Variants in MTFR1 observed in about 807,000 individuals in gnomAD.
MTFR1 encodes mitochondrial fission regulator 1.
MTFR1 carries 28 observed loss-of-function variants against 38.8 expected under a neutral mutation model. The observed-to-expected ratio is 0.72, with a 90% CI of 0.53 to 0.99. MTFR1 has a LOEUF of 0.99. Among genes scored for constraint, MTFR1 ranks in the 50% least tolerant of loss-of-function variants. MTFR1 has a pLI of 0.00. For missense variants in MTFR1, 358 were observed against 395.5 expected (o/e 0.91, Z 0.81); for synonymous variants, 145 against 137.0 (o/e 1.06, Z -0.41).
At chr8:65,724,487 G>A (rs1475787161) in intron 3 of MTFR1, 4 of 607,336 alleles carry the variant, frequency 6.6e-6, no homozygotes, top group South Asian at 2.5e-5. Flanking sequence ...ATTTTTAGAT[G>A]TAAGAATTTA....
rs553260839 is a variant in MTFR1 at position 65,703,419 on chromosome 8, G to GTTTTTTTTTTTT, written c.282-1254_282-1243dup. Among the ~76,000 whole-genome samples the GTTTTTTTTTTTT allele has an allele frequency of 3.1e-4, 16 of 50,952 alleles. 1 individual carries two copies. The highest frequency in any genetic ancestry group is 8.1e-4 in the African/African-American group (10 of 12,360). The allele number at this position is 50,952 out of a possible 152,430, so 33.4% of individuals were successfully genotyped here. On this transcript the variant is annotated intron_variant, in intron 4 of 7. Coordinates refer to ENST00000262146, the MANE Select transcript of MTFR1 (RefSeq NM_014637.4). ...GGTACATCCATGCTTGATGTCTCTG[G>GTTTTTTTTTTTT]TTTTTTTTTTTTTTTTTTTTTTTTT...
intron 1 of MTFR1, among the ~76,000 whole-genome samples, chr8:65,645,516 T>A (rs1454784917): frequency 2.0e-4 from 31 of 152,224 alleles, no homozygotes; most frequent in Non-Finnish European, 2.9e-5. Flanking sequence ...TGGGCAGTCT[T>A]GCTCCCCTAA....
intron 2 of MTFR1, chr8:65,719,183 C>T (rs1806271033): frequency 1.4e-6 from 1 of 727,802 alleles, no homozygotes; most frequent in South Asian, 1.6e-5. Flanking sequence ...GCTGGCATCA[C>T]TCACTTGGAA....
downstream of MTFR1, among the ~76,000 whole-genome samples, chr8:65,775,898 G>A (rs575604957): frequency 6.6e-6 from 1 of 152,308 alleles, no homozygotes; most frequent in East Asian, 1.9e-4. Flanking sequence ...CAAAGTGCTA[G>A]ATTACGGGCG....
intron 3 of MTFR1, chr8:65,734,938 CATAT>C (rs757060749): frequency 2.5e-6 from 3 of 1,180,708 alleles, no homozygotes; most frequent in African/African-American, 3.0e-5. Context: ...ATATGAGCAA[CATAT>C]ACAAGGACAA....
At chr8:65,749,172 T>C (rs1807819243) in intron 3 of MTFR1, among the ~76,000 whole-genome samples, 1 of 152,220 alleles carries the variant, frequency 6.6e-6, no homozygotes, top group Admixed American at 6.5e-5. Flanking sequence ...ACTTCTGATA[T>C]TATAATTAGT....
chr8:65,678,491 ACATTATGTTAGT>A (rs1260155859), intron 2 of MTFR1, among the ~76,000 whole-genome samples: 4 of 152,252 alleles, frequency 2.6e-5, no homozygotes, highest in Non-Finnish European at 5.9e-5. Flanking sequence ...ACAGAAGAAC[ACATTATGTTAGT>A]CTACTGTGTA....
intron 3 of MTFR1, among the ~76,000 whole-genome samples, chr8:65,755,007 T>TA (rs1367930090): frequency 6.7e-6 from 1 of 149,420 alleles, no homozygotes. Flanking sequence ...ATTGCCTGTT[T>TA]ATTTTTTTTT....
At chr8:65,694,692 A>G (rs1805382029) in intron 4 of MTFR1, among the ~76,000 whole-genome samples, 1 of 152,224 alleles carries the variant, frequency 6.6e-6, no homozygotes, top group Non-Finnish European at 1.5e-5. Context: ...GAGATTAAGA[A>G]GGAAATCAGT....
chr8:65,759,709 A>G (rs1363595439), intron 3 of MTFR1, among the ~76,000 whole-genome samples: 2 of 152,024 alleles, frequency 1.3e-5, no homozygotes, highest in Non-Finnish European at 2.9e-5. Context: ...CCTTTCTTTT[A>G]AAGGGGGTTT....
chr8:65,731,130 G>C lies in MTFR1; in HGVS notation c.*48+11649G>C, dbSNP rs1806870694. 2.0e-5 allele frequency among the ~76,000 whole-genome samples: 3 copies of C among 152,190 alleles called. 1 individual carries two copies. The South Asian group carries it at 6.2e-4, about 32-fold the overall frequency. On this transcript the variant is annotated intron_variant, in intron 3 of 3. Transcript: ENST00000521247. The stretch of plus-strand genomic sequence containing the variant: ...GCCCTGGAGGCCTGACATTCCTGTG[G>C]TTTCCATGTCAGGTTCCCATATGTT...
intron 3 of MTFR1, among the ~76,000 whole-genome samples, chr8:65,756,087 T>C (rs1808230314): frequency 6.6e-6 from 1 of 152,254 alleles, no homozygotes; most frequent in African/African-American, 2.4e-5. Context: ...AATATGTTAG[T>C]TTATTCCCTT....
At chr8:65,762,432 A>G (rs746467750) in intron 3 of MTFR1, among the ~76,000 whole-genome samples, 2 of 152,192 alleles carry the variant, frequency 1.3e-5, no homozygotes, top group Non-Finnish European at 2.9e-5. Context: ...ATGGAGAGGC[A>G]GAGCAGCAAA....
At chr8:65,723,373 G>A (rs947197700) in intron 3 of MTFR1, 6 of 536,300 alleles carry the variant, frequency 1.1e-5, no homozygotes. Flanking sequence ...AAAATTAAAT[G>A]AGAATTAGAA....
At position 65,709,925 on chromosome 8, in the gene MTFR1, A is replaced by G. The variant is rs1805896825; in HGVS notation, c.*881A>G. On this transcript the variant is annotated 3_prime_UTR_variant, in exon 8 of 8. Coordinates refer to ENST00000262146, the MANE Select transcript of MTFR1 (RefSeq NM_014637.4). The stretch of plus-strand genomic sequence containing the variant: ...TAATATAAGCCAAAATATTAACTTT[A>G]ATGAAACATTGACTTGGCAAATGAA... The G allele has an allele frequency of 6.6e-6, 1 of 152,624 alleles. No individual in the cohort carries two copies. Among genetic ancestry groups the G allele is most frequent in the African/African-American group, 2.4e-5 (1 of 41,460 alleles). The allele number at this position is 152,624 out of a possible 1,614,324, so 9.5% of individuals were successfully genotyped here.
chr8:65,767,001 A>AAACAACAACAACAAC (rs149118435), intron 3 of MTFR1, among the ~76,000 whole-genome samples: 15 of 150,860 alleles, frequency 9.9e-5, no homozygotes, highest in Non-Finnish European at 2.1e-4. Flanking sequence ...TGCTCATTCA[A>AAACAACAACAACAAC]AACAACAACA....
chr8:65,708,438 C>T, intron 7 of MTFR1: 1 of 295,782 alleles, frequency 3.4e-6, no homozygotes, highest in East Asian at 9.5e-5. Flanking sequence ...ATCATTTTCT[C>T]TCAGGGCACC....
intron 2 of MTFR1, among the ~76,000 whole-genome samples, chr8:65,677,279 A>G (rs1009837708): frequency 2.0e-5 from 3 of 150,834 alleles, no homozygotes; most frequent in Non-Finnish European, 1.5e-5. Context: ...CACATTGGCC[A>G]GGCTGGTCTC....
At chr8:65,733,054 G>A (rs1214369972) in intron 3 of MTFR1, among the ~76,000 whole-genome samples, 1 of 152,156 alleles carries the variant, frequency 6.6e-6, no homozygotes, top group African/African-American at 2.4e-5. Context: ...AGGGAGAAGG[G>A]AAATGCCTGC....
Sources: gnomAD v4.1 joint callset for allele counts (sites outside exome capture counted in the v4.1 genomes callset) on GRCh38, gnomAD v4.1.1 for gene constraint, MANE v1.5 for transcripts, NCBI Gene and HGNC (gene_info 2026-07-23, HGNC 2026-07-21) for gene names.